Variants in RIN2 observed in about 807,000 individuals in gnomAD.
RIN2 encodes Ras and Rab interactor 2.
In RIN2, 36 loss-of-function variants were observed where a neutral mutation model predicts 78.0. The observed-to-expected ratio is 0.46, with a 90% CI of 0.35 to 0.61. RIN2 has a LOEUF of 0.61. RIN2 is among the 20% of genes least tolerant of loss of function. RIN2 has a pLI of 0.00. For synonymous variants in RIN2, 466 were observed against 466.8 expected (o/e 1.00, Z 0.02); for missense variants, 1,087 against 1,159.7 (o/e 0.94, Z 0.91).
intron 8 of RIN2, 129 bp downstream of exon 8, chr20:19,971,058 C>T (rs776836387): frequency 1.9e-5 from 13 of 679,682 alleles, no homozygotes; most frequent in Admixed American, 2.8e-5. Context: ...TTGGGCTATC[C>T]AAAATGTTGA....
At chr20:19,844,586 TGC>T (rs1568806754) in intron 2 of RIN2, among the ~76,000 whole-genome samples, 9 of 140,788 alleles carry the variant, frequency 6.4e-5, no homozygotes, top group African/African-American at 2.3e-4. Flanking sequence ...CTGCTGCTGC[TGC>T]TGCTGCTTCT....
rs1600602699 is a variant in RIN2 at position 19,846,196 on chromosome 20, G to GT, written c.-36-43369dup. On this transcript the variant is annotated intron_variant, in intron 2 of 12. Transcript: ENST00000255006. Reference sequence around the variant, plus strand: ...AGCTTTGTTCTTTTTGCTTAGGATTGTCTTGGCTATACGGGCTCTTTTTTG... The same window carrying GT: ...AGCTTTGTTCTTTTTGCTTAGGATTGTTCTTGGCTATACGGGCTCTTTTTTG... 2.0e-5 allele frequency among the ~76,000 whole-genome samples: 3 copies of GT among 152,278 alleles called. No homozygotes were observed. In the East Asian group the frequency reaches 5.8e-4, roughly 29 times the overall value.
intron 2 of RIN2, among the ~76,000 whole-genome samples, chr20:19,857,622 T>G (rs190845926): frequency 6.4e-4 from 98 of 152,268 alleles, no homozygotes; most frequent in African/African-American, 2.1e-3. Flanking sequence ...TGCTAACACT[T>G]GGTATGATCA....
intron 3 of RIN2, among the ~76,000 whole-genome samples, chr20:19,920,927 C>T (rs1196631710): frequency 6.6e-6 from 1 of 152,238 alleles, no homozygotes; most frequent in African/African-American, 2.4e-5. Context: ...CCTGCCTCTG[C>T]CTCCCAAACT....
chr20:19,791,441 C>T (rs2034886530), intron 1 of RIN2, among the ~76,000 whole-genome samples: 1 of 152,054 alleles, frequency 6.6e-6, no homozygotes, highest in Admixed American at 6.6e-5. Context: ...AAATTCTTAG[C>T]TTGATCTTTG....
At chr20:19,911,201 C>T (rs2039450596) in intron 3 of RIN2, among the ~76,000 whole-genome samples, 1 of 152,016 alleles carries the variant, frequency 6.6e-6, no homozygotes, top group Non-Finnish European at 1.5e-5. Context: ...CAGGCATGCA[C>T]CACCTTGCCC....
chr20:19,951,969 C>T (rs1167177363), intron 4 of RIN2, among the ~76,000 whole-genome samples: 1 of 152,190 alleles, frequency 6.6e-6, no homozygotes, highest in Non-Finnish European at 1.5e-5. Flanking sequence ...TCATCAAGTT[C>T]TGTCATAGGT....
chr20:19,900,898 C>T (rs954095962), intron 3 of RIN2, among the ~76,000 whole-genome samples: 9 of 136,112 alleles, frequency 6.6e-5, no homozygotes, highest in South Asian at 2.3e-4. Flanking sequence ...TGCAGTGAGC[C>T]GAGATCACAC....
intron 11 of RIN2, among the ~76,000 whole-genome samples, chr20:19,995,686 A>T (rs1017781237): frequency 2.0e-5 from 3 of 151,660 alleles, no homozygotes; most frequent in African/African-American, 4.8e-5. Flanking sequence ...TCCCAAAGGA[A>T]GGGGGGGGTA....
chr20:20,000,163 CTT>C (rs1362043931), intron 12 of RIN2, among the ~76,000 whole-genome samples: 1 of 152,196 alleles, frequency 6.6e-6, no homozygotes, highest in Non-Finnish European at 1.5e-5. Context: ...GATCTCATCT[CTT>C]AAAATGAAAA....
intron 2 of RIN2, among the ~76,000 whole-genome samples, chr20:19,888,364 C>T (rs1479528931): frequency 6.6e-6 from 1 of 152,222 alleles, no homozygotes; most frequent in East Asian, 1.9e-4. Context: ...CACTGATATG[C>T]ACTTCTCAGC....
At chr20:19,905,227 C>A (rs1417729559) in intron 3 of RIN2, among the ~76,000 whole-genome samples, 2 of 152,198 alleles carry the variant, frequency 1.3e-5, no homozygotes, top group African/African-American at 2.4e-5. Flanking sequence ...ACACCTTCCC[C>A]ACTTGGAAGG....
At chr20:19,915,113 A>T (rs2039630281) in intron 3 of RIN2, among the ~76,000 whole-genome samples, 2 of 152,224 alleles carry the variant, frequency 1.3e-5, no homozygotes, top group South Asian at 4.1e-4. Context: ...TATAGTAAAA[A>T]GAAAAACATT....
chr20:19,876,328 G>A (rs776830406), intron 2 of RIN2, among the ~76,000 whole-genome samples: 6 of 152,146 alleles, frequency 3.9e-5, no homozygotes, highest in South Asian at 4.2e-4. Context: ...TTTTGCCTTC[G>A]ACTGAAAGAT....
Position 20,001,122 on chromosome 20 carries a change from A to G in RIN2, c.*186A>G. On this transcript the variant is annotated 3_prime_UTR_variant, in exon 13 of 13. Transcript: ENST00000255006. Reference sequence around the variant, plus strand: ...CCACGCAAGGTAGCTGAGGTTTGTGAAACAGTAGGATTCTCTTTTGGCAAT... The same window carrying G: ...CCACGCAAGGTAGCTGAGGTTTGTGGAACAGTAGGATTCTCTTTTGGCAAT... 1.7e-6 allele frequency: 1 copy of G among 578,498 alleles called. No homozygotes were observed. 35.8% of individuals were successfully genotyped at this position (578,498 alleles called of 1,614,324 possible). A position where few individuals can be genotyped will look rare whatever the true frequency, so the allele number is the denominator to read the frequency against.
At chr20:19,813,392 ATCAACTATTCAT>A (rs1044519396) in intron 2 of RIN2, among the ~76,000 whole-genome samples, 1 of 152,268 alleles carries the variant, frequency 6.6e-6, no homozygotes, top group African/African-American at 2.4e-5. Context: ...TTTAGTGAGC[ATCAACTATTCAT>A]TCATTCTTTC....
At chr20:19,770,037 T>C (rs187727927) in intron 1 of RIN2, among the ~76,000 whole-genome samples, 4 of 152,210 alleles carry the variant, frequency 2.6e-5, no homozygotes, top group Admixed American at 2.0e-4. Context: ...TTGGTTGTAG[T>C]TGGTCTTTAA....
At chr20:19,933,025 G>T (rs576210331) in intron 3 of RIN2, among the ~76,000 whole-genome samples, 2 of 151,988 alleles carry the variant, frequency 1.3e-5, no homozygotes, top group East Asian at 1.9e-4. Context: ...ATGTCAAATT[G>T]TTCCTAAATT....
intron 9 of RIN2, among the ~76,000 whole-genome samples, chr20:19,979,872 GT>G (rs751053509): frequency 2.6e-5 from 4 of 151,720 alleles, no homozygotes; most frequent in Non-Finnish European, 4.4e-5. Context: ...GTGAAACCCA[GT>G]CTCTACTAAA....
Sources: allele counts gnomAD v4.1 joint callset (sites outside exome capture counted in the v4.1 genomes callset), GRCh38; gene constraint gnomAD v4.1.1; transcripts MANE v1.5; gene names NCBI Gene and HGNC (gene_info 2026-07-23, HGNC 2026-07-21).